The following XIRP2 variants were observed in gnomAD, a reference collection of about 807,000 sequenced individuals.
XIRP2 encodes xin actin binding repeat containing 2, also known as xin actin-binding repeat-containing protein 2.
In XIRP2, 236 loss-of-function variants were observed where a neutral mutation model predicts 277.0. The observed-to-expected ratio is 0.85, with a 90% confidence interval of 0.77 to 0.95. The LOEUF (loss-of-function observed/expected upper bound fraction) is 0.95, where lower values mean the gene tolerates loss of function less well. Among genes scored for constraint, XIRP2 ranks in the 40% least tolerant of loss-of-function variants. The probability of loss-of-function intolerance (pLI) is 0.00; values close to 1 mark genes in which losing one functional copy is unlikely to be tolerated. For missense variants in XIRP2, 4,640 were observed against 4,157.5 expected (o/e 1.12, Z -3.19); for synonymous variants, 1,490 against 1,416.5 (o/e 1.05, Z -1.17).
chr2:166,948,904 T>C (rs539530012), intron 2 of XIRP2, among the ~76,000 whole-genome samples: 216 of 152,204 alleles, frequency 1.4e-3, no homozygotes, highest in Admixed American at 2.8e-3. Context: ...TGCCAAATTA[T>C]ATATAAAACT....
At chr2:167,051,821 G>T (rs1688921817) in intron 2 of XIRP2, among the ~76,000 whole-genome samples, 1 of 152,068 alleles carries the variant, frequency 6.6e-6, no homozygotes. Context: ...GAATGATTCA[G>T]TAAGTTATAC....
chr2:166,925,731 C>T (rs1685171706), intron 2 of XIRP2, among the ~76,000 whole-genome samples: 1 of 151,028 alleles, frequency 6.6e-6, no homozygotes, highest in African/African-American at 2.4e-5. Context: ...GGGTGATAGG[C>T]ACAGGGGCAA....
At chr2:167,087,444 C>T (rs1271069068) in intron 2 of XIRP2, among the ~76,000 whole-genome samples, 2 of 151,956 alleles carry the variant, frequency 1.3e-5, no homozygotes, top group African/African-American at 4.9e-5. Flanking sequence ...GGCAGGCAGG[C>T]CTCCTTGAGC....
intron 2 of XIRP2, among the ~76,000 whole-genome samples, chr2:167,068,681 G>A (rs776254587): frequency 2.6e-5 from 4 of 151,812 alleles, no homozygotes; most frequent in Non-Finnish European, 4.4e-5. Context: ...ATAAAAGCAG[G>A]TCATGGCTCA....
At chr2:167,121,078 T>C (rs1423035913) in intron 2 of XIRP2, among the ~76,000 whole-genome samples, 1 of 152,176 alleles carries the variant, frequency 6.6e-6, no homozygotes. Context: ...AACTGTGTTG[T>C]GTTCACTAAG....
At chr2:167,224,749 C>T (rs1694542526) in intron 5 of XIRP2, among the ~76,000 whole-genome samples, 1 of 152,114 alleles carries the variant, frequency 6.6e-6, no homozygotes, top group Non-Finnish European at 1.5e-5. Flanking sequence ...CAAGAGGGGA[C>T]ATAATCAAGT....
chr2:167,214,130 G>GAAGGAAGGAAGGAAGC (rs1694152923), intron 4 of XIRP2, among the ~76,000 whole-genome samples: 1 of 112,714 alleles, frequency 8.9e-6, no homozygotes, highest in Non-Finnish European at 1.8e-5. Context: ...AGGAAGGAAG[G>GAAGGAAGGAAGGAAGC]AAGGAAGCAA....
At chr2:167,045,702 A>C (rs1348722685) in intron 2 of XIRP2, among the ~76,000 whole-genome samples, 5 of 151,886 alleles carry the variant, frequency 3.3e-5, no homozygotes, top group Non-Finnish European at 7.4e-5. Context: ...CCACACCAGT[A>C]AGAATGGCTA....
chr2:167,162,226 T>C (rs973697164), intron 3 of XIRP2, among the ~76,000 whole-genome samples: 1 of 152,248 alleles, frequency 6.6e-6, no homozygotes, highest in Non-Finnish European at 1.5e-5. Context: ...TGTTCCAACA[T>C]CTGCCTGTTA....
At chr2:167,004,324 A>G (rs905760729) in intron 2 of XIRP2, among the ~76,000 whole-genome samples, 17 of 151,902 alleles carry the variant, frequency 1.1e-4, no homozygotes, top group African/African-American at 4.1e-4. Flanking sequence ...GTACTTTCCC[A>G]AGGTTCATCA....
In XIRP2 at chr2:167,095,639, G is replaced by A. The variant is rs551189766; in HGVS notation, c.409-40270G>A. Among the ~76,000 whole-genome samples the A allele has an allele frequency of 1.8e-4, 28 of 151,972 alleles. No homozygotes were observed. In the South Asian group the frequency reaches 2.9e-3, roughly 16 times the overall value. ...GTTTATTGATTTGCATATGTTGAACGAGCCTTGCATCCCATGGATGAAGCC... is the reference window on the plus strand; with the variant it reads ...GTTTATTGATTTGCATATGTTGAACAAGCCTTGCATCCCATGGATGAAGCC... On this transcript the variant is annotated intron_variant, in intron 2 of 10. Transcript: ENST00000409195.
At chr2:167,129,363 G>T (rs1339959686) in intron 2 of XIRP2, among the ~76,000 whole-genome samples, 1 of 150,232 alleles carries the variant, frequency 6.7e-6, no homozygotes, top group Non-Finnish European at 1.5e-5. Context: ...CTTCACTCAC[G>T]GATCCACACT....
chr2:167,158,823 C>T (rs1692279141), intron 3 of XIRP2, among the ~76,000 whole-genome samples: 1 of 152,092 alleles, frequency 6.6e-6, no homozygotes, highest in African/African-American at 2.4e-5. Context: ...AGGAACCACA[C>T]AGTTATTTGA....
At chr2:167,089,667 T>C (rs928446127) in intron 2 of XIRP2, among the ~76,000 whole-genome samples, 1 of 152,138 alleles carries the variant, frequency 6.6e-6, no homozygotes, top group African/African-American at 2.4e-5. Flanking sequence ...GTTACTTAAG[T>C]AAACATATGT....
At chr2:167,023,043 A>G (rs1048071104) in intron 2 of XIRP2, among the ~76,000 whole-genome samples, 10 of 152,186 alleles carry the variant, frequency 6.6e-5, no homozygotes, top group African/African-American at 1.9e-4. Context: ...GACTTCCACA[A>G]TGGTTGAACT....
chr2:166,998,446 G>T (rs537644277), intron 2 of XIRP2, among the ~76,000 whole-genome samples: 3 of 151,990 alleles, frequency 2.0e-5, no homozygotes, highest in Non-Finnish European at 4.4e-5. Context: ...GACCATCCTG[G>T]CTAACACAGC....
chr2:167,010,558 T>G (rs1250274156), intron 2 of XIRP2, among the ~76,000 whole-genome samples: 1 of 152,140 alleles, frequency 6.6e-6, no homozygotes, highest in Non-Finnish European at 1.5e-5. Context: ...TGCGGGCTCT[T>G]TTTTGGTTCC....
At chr2:167,083,858 T>C (rs1218329471) in intron 2 of XIRP2, among the ~76,000 whole-genome samples, 2 of 151,996 alleles carry the variant, frequency 1.3e-5, no homozygotes, top group Admixed American at 6.6e-5. Context: ...AATGTGGTTT[T>C]CTAGATATAC....
At chr2:167,120,522 G>T (rs756812738) in intron 2 of XIRP2, among the ~76,000 whole-genome samples, 2 of 152,064 alleles carry the variant, frequency 1.3e-5, no homozygotes, top group Admixed American at 1.3e-4. Context: ...GATCACTATG[G>T]TATGTCTGAA....
Sources: gnomAD v4.1 joint callset for allele counts (sites outside exome capture counted in the v4.1 genomes callset) on GRCh38, gnomAD v4.1.1 for gene constraint, MANE v1.5 for transcripts, NCBI Gene and HGNC (gene_info 2026-07-23, HGNC 2026-07-21) for gene names.